The following NUP62 variants were observed in gnomAD, a reference collection of about 807,000 sequenced individuals.
NUP62 encodes the protein nuclear pore glycoprotein p62.
For missense variants in NUP62, 647 were observed against 689.4 expected, an observed-to-expected ratio of 0.94 and a Z score of 0.69; for synonymous variants, 305 against 303.4, an observed-to-expected ratio of 1.01 and a Z score of -0.05.
At chr19:49,926,855 CTTTTTT>C (rs57084948) in intron 2 of NUP62, among the ~76,000 whole-genome samples, 1 of 125,638 alleles carries the variant, frequency 8.0e-6, no homozygotes. Context: ...GAAGTAGGTA[CTTTTTT>C]TTTTTTTTTT....
chr19:49,908,087 A>T lies in NUP62; in HGVS notation c.*152T>A. ...CCAGAATACCCTCCTAAATGGAAAA[A>T]CGCAAAGCACACAGCGATCATGTCA... On this transcript the variant is annotated 3_prime_UTR_variant, in exon 3 of 3. Transcript: ENST00000352066. 1 of 1,458,612 alleles carries T rather than the reference A, an allele frequency of 6.9e-7. No homozygotes were observed. Among genetic ancestry groups the T allele is most frequent in the South Asian group, 1.4e-5 (1 of 72,422 alleles). The allele number at this position is 1,458,612 out of a possible 1,614,324, so 90.4% of individuals were successfully genotyped here.
rs1453647104 is a variant in NUP62 at position 49,909,482 on chromosome 19, G to A, written c.326C>T (p.Ala109Val). 4 of 1,614,176 alleles carry A rather than the reference G, an allele frequency of 2.5e-6. No individual in the cohort carries two copies. Among genetic ancestry groups the A allele is most frequent in the Non-Finnish European group, 3.4e-6 (4 of 1,180,042 alleles). The change falls in exon 3 of 3, where the codon GCA (alanine) becomes GTA (valine). Residue 109 changes from alanine (A) to valine (V), a missense_variant. Physicochemically the swap from Ala to Val is moderately conservative, Grantham distance 64 (BLOSUM62 0). Transcript: ENST00000352066. ...LSNTAATPAM[A>V]NPSGFGLGSS... ...GCCCAGCCCAAAGCCGCTGGGGTTT[G>A]CCATGGCTGGGGTGGCAGCTGTGTT... is the stretch of plus-strand genomic sequence containing the variant.
At position 49,909,161 on chromosome 19, in the gene NUP62, C is replaced by T. The variant is rs2122600551; in HGVS notation, c.647G>A (p.Ser216Asn). 1.2e-6 allele frequency: 2 copies of T among 1,613,464 alleles called. No individual in the cohort carries two copies. Among genetic ancestry groups the T allele is most frequent in the East Asian group, 2.2e-5 (1 of 44,874 alleles). Residue 216 changes from serine to asparagine, a missense_variant, in exon 3 of 3, where the codon AGC becomes AAC. Physicochemically the swap from Ser to Asn is conservative, Grantham distance 46. Transcript: ENST00000352066. ...AAPTPTATITSTGPSLFASIA... is the reference protein window; with the variant it reads ...AAPTPTATITNTGPSLFASIA... ...TGACGCAAAGAGGCTGGGCCCAGTG[C>T]TGGTGATGGTGGCTGTGGGTGTGGG...
chr19:49,919,001 A>G (rs2075698832), intron 2 of NUP62, among the ~76,000 whole-genome samples: 1 of 151,724 alleles, frequency 6.6e-6, no homozygotes, highest in Non-Finnish European at 1.5e-5. Context: ...AAAAATTACA[A>G]AATTAGCCAG....
rs1323569160 is a variant in NUP62, at chr19:49,907,626, G to GCAGGTTCACTGCA, written c.*612_*613insTGCAGTGAACCTG. 2.6e-6 allele frequency: 1 copy of GCAGGTTCACTGCA among 391,828 alleles called. No individual in the cohort carries two copies. 24.3% of individuals were successfully genotyped at this position (391,828 alleles called of 1,614,324 possible). ...ATCTTGGTTCACTGCAACACCTCCT[G>GCAGGTTCACTGCA]GGTTCAAGTGATTCTCCTGCCTCAG... On this transcript the variant is annotated 3_prime_UTR_variant, in exon 3 of 3. Transcript: ENST00000352066.
intron 2 of NUP62, among the ~76,000 whole-genome samples, chr19:49,916,085 G>C (rs1164534951): frequency 6.6e-6 from 1 of 152,220 alleles, no homozygotes; most frequent in Non-Finnish European, 1.5e-5. Context: ...AGCACACCGA[G>C]CCCTTCCTGG....
chr19:49,916,566 G>A (rs1395439495), intron 2 of NUP62, among the ~76,000 whole-genome samples: 3 of 151,994 alleles, frequency 2.0e-5, no homozygotes, highest in Non-Finnish European at 4.4e-5. Context: ...TAGGTCAGGA[G>A]ATCCAGACCA....
chr19:49,922,443 C>A (rs996754038), intron 2 of NUP62, among the ~76,000 whole-genome samples: 4 of 152,072 alleles, frequency 2.6e-5, no homozygotes, highest in Non-Finnish European at 5.9e-5. Context: ...CCCTCCTTCA[C>A]ATGGGACCGG....
In NUP62 at chr19:49,909,608, G is replaced by A. The variant is rs1198817255; in HGVS notation, c.200C>T (p.Pro67Leu). The A allele has an allele frequency of 7.4e-6, 12 of 1,613,400 alleles. No homozygotes were observed. The highest frequency in any genetic ancestry group is 4.5e-5 in the East Asian group (2 of 44,880). ...TGLFSLATQT[P>L]ATQTTGFTFG... ...AGTGAAGCCTGTCGTCTGTGTGGCC[G>A]GAGTCTGGGTGGCAAGTGAGAACAG... The change falls in exon 3 of 3, where the codon CCG becomes CTG. Residue 67 changes from proline (P) to leucine (L), a missense_variant. Physicochemically the swap from Pro to Leu is moderately conservative, Grantham distance 98. Coordinates refer to ENST00000352066, the MANE Select transcript of NUP62 (RefSeq NM_016553.5).
intron 2 of NUP62, chr19:49,912,797 G>A (rs544059606): frequency 4.0e-5 from 6 of 151,246 alleles, no homozygotes; most frequent in Non-Finnish European, 7.4e-5. Context: ...GCCCAGGGAG[G>A]TGGAGGCTGC....
chr19:49,921,561 G>A lies in NUP62; in HGVS notation c.-78+6133C>T, dbSNP rs888190138. Reference sequence around the variant, plus strand: ...GTCCGCTGCTCGCCAACCCCCATACGTTCCTGCTCTGTGGTAGGTCAGGAA... The same window carrying A: ...GTCCGCTGCTCGCCAACCCCCATACATTCCTGCTCTGTGGTAGGTCAGGAA... On this transcript the variant is annotated intron_variant, in intron 2 of 2. Coordinates refer to ENST00000352066, the MANE Select transcript of NUP62 (RefSeq NM_016553.5). This position sits in a 1 kb window ranked among gnomAD's most constrained non-coding sequence, Gnocchi z 5.4. Among the ~76,000 whole-genome samples, 1 of 152,194 alleles carries A rather than the reference G, an allele frequency of 6.6e-6. No homozygotes were observed. The highest frequency in any genetic ancestry group is 1.5e-5 in the Non-Finnish European group (1 of 68,032).
intron 2 of NUP62, among the ~76,000 whole-genome samples, chr19:49,918,182 C>T (rs1006334525): frequency 6.6e-6 from 1 of 152,012 alleles, no homozygotes; most frequent in Admixed American, 6.6e-5. Flanking sequence ...TTCTCCTGCC[C>T]TAGCCTCCCG....
At chr19:49,918,224 C>A (rs914171586) in intron 2 of NUP62, among the ~76,000 whole-genome samples, 5 of 152,080 alleles carry the variant, frequency 3.3e-5, no homozygotes, top group African/African-American at 1.2e-4. Context: ...CGCCGCCATG[C>A]CCAGCTAATA....
Position 49,907,565 on chromosome 19 carries a change from G to C in NUP62, c.*674C>G, listed in dbSNP as rs778271976. The C allele has an allele frequency of 2.5e-6, 1 of 407,214 alleles. No individual in the cohort carries two copies. Among genetic ancestry groups the C allele is most frequent in the Non-Finnish European group, 4.7e-6 (1 of 214,354 alleles). 25.2% of individuals were successfully genotyped at this position (407,214 alleles called of 1,614,324 possible). ...TTTTTTTTTTTTTTTTTTTGAGACA[G>C]AGTCTCTGTTGCCTAGGCTGGAGTG... On this transcript the variant is annotated 3_prime_UTR_variant, in exon 3 of 3. Coordinates refer to ENST00000352066, the MANE Select transcript of NUP62 (RefSeq NM_016553.5).
At chr19:49,911,914 T>C (rs1296159432) in intron 2 of NUP62, among the ~76,000 whole-genome samples, 1 of 152,198 alleles carries the variant, frequency 6.6e-6, no homozygotes, top group Non-Finnish European at 1.5e-5. Flanking sequence ...ATTCCTCCCG[T>C]TGTGGGACAG....
intron 2 of NUP62, among the ~76,000 whole-genome samples, chr19:49,926,600 T>C (rs570499247): frequency 4.4e-4 from 67 of 152,306 alleles, no homozygotes; most frequent in Middle Eastern, 3.4e-3. Flanking sequence ...TAGGAAAAGA[T>C]TCTACCGGCG....
Position 49,909,556 on chromosome 19 carries a change from C to T in NUP62, c.252G>A (p.Gly84=). The change falls in exon 3 of 3, where the codon GGG becomes GGA. Residue 84 remains glycine, a synonymous_variant. Transcript: ENST00000352066. The part of the protein sequence containing the change: ...FTFGTATLAS[G]GTGFSLGIGA... The stretch of plus-strand genomic sequence containing the variant: ...CGATCCCCAAAGAAAATCCAGTTCC[C>T]CCCGAAGCAAGAGTCGCTGTTCCAA... The T allele has an allele frequency of 5.6e-6, 9 of 1,614,128 alleles. No individual in the cohort carries two copies. The highest frequency in any genetic ancestry group is 7.6e-6 in the Non-Finnish European group (9 of 1,180,022).
intron 2 of NUP62, 55 bp from the exon 3 acceptor site, chr19:49,909,939 T>A (rs1324888886): frequency 1.1e-6 from 1 of 910,160 alleles, no homozygotes; most frequent in Non-Finnish European, 1.8e-6. Flanking sequence ...GCAAGCTCAG[T>A]GGCATGACTG....
At chr19:49,919,727 A>G (rs1311006526) in intron 2 of NUP62, among the ~76,000 whole-genome samples, 6 of 152,326 alleles carry the variant, frequency 3.9e-5, no homozygotes, top group Middle Eastern at 3.4e-3. Context: ...CGAATCAGCT[A>G]AGACAACCAT....
Sources: gnomAD v4.1 joint callset for allele counts (sites outside exome capture counted in the v4.1 genomes callset) on GRCh38, gnomAD v4.1.1 for gene constraint, Gnocchi (gnomAD v3.1) non-coding constraint, MANE v1.5 for transcripts, NCBI Gene and HGNC (gene_info 2026-07-23, HGNC 2026-07-21) for gene names.